TNFRSF8: variants seen among roughly 807,000 people sequenced by gnomAD.
The protein encoded by TNFRSF8 is tumor necrosis factor receptor superfamily member 8.
TNFRSF8 carries 26 observed loss-of-function variants against 70.8 expected under a neutral mutation model. The ratio of observed to expected loss-of-function variants is 0.37; its 90% CI spans 0.27 to 0.51. TNFRSF8 has a LOEUF of 0.51. TNFRSF8 is among the 20% of genes least tolerant of loss of function. TNFRSF8 has a pLI of 0.94. For missense variants in TNFRSF8, 720 were observed against 807.9 expected (o/e 0.89, Z 1.32); for synonymous variants, 356 against 339.2 (o/e 1.05, Z -0.54).
chr1:12,117,457 C>G (rs908715902), intron 8 of TNFRSF8, among the ~76,000 whole-genome samples: 1 of 152,184 alleles, frequency 6.6e-6, no homozygotes, highest in Non-Finnish European at 1.5e-5. Flanking sequence ...GGTGCTGTCA[C>G]TCTGTTTGTA....
intron 8 of TNFRSF8, among the ~76,000 whole-genome samples, chr1:12,122,868 G>A (rs764127765): frequency 1.7e-4 from 26 of 151,902 alleles, no homozygotes; most frequent in Non-Finnish European, 2.6e-4. Flanking sequence ...TTTCTCTGTC[G>A]CCCAGGCTGG....
At chr1:12,128,989 C>G (rs1422785016) in intron 12 of TNFRSF8, among the ~76,000 whole-genome samples, 1 of 152,078 alleles carries the variant, frequency 6.6e-6, no homozygotes, top group Non-Finnish European at 1.5e-5. Flanking sequence ...CTCCTGCCAC[C>G]ATGCCTGGCT....
chr1:12,091,910 T>A (rs1424878091), intron 2 of TNFRSF8, among the ~76,000 whole-genome samples: 1 of 152,114 alleles, frequency 6.6e-6, no homozygotes, highest in African/African-American at 2.4e-5. Flanking sequence ...CAGTTCACAA[T>A]AGGGTTTGCG....
Position 12,109,720 on chromosome 1 carries a change from C to T in TNFRSF8, c.512+64C>T. On this transcript the variant is annotated intron_variant, in intron 5 of 14. Coordinates refer to ENST00000263932, the MANE Select transcript of TNFRSF8 (RefSeq NM_001243.5). This position sits in a 1 kb window ranked among gnomAD's most constrained non-coding sequence, Gnocchi z 4.4. ...TGGCTTTCAGATGAGGCTGCCCCAC[C>T]CCACAGGACGCCCATGGTACAACTG... 1.4e-6 allele frequency: 2 copies of T among 1,390,460 alleles called. No homozygotes were observed. Among genetic ancestry groups the T allele is most frequent in the Non-Finnish European group, 1.0e-6 (1 of 983,846 alleles). The allele number at this position is 1,390,460 out of a possible 1,614,324, so 86.1% of individuals were successfully genotyped here.
At position 12,112,392 on chromosome 1, in the gene TNFRSF8, CT is replaced by C. The variant is rs767157710; in HGVS notation, c.793+391del. Among the ~76,000 whole-genome samples the C allele has an allele frequency of 2.0e-3, 282 of 144,446 alleles. No individual in the cohort carries two copies. The highest frequency in any genetic ancestry group is 3.6e-3 in the Middle Eastern group (1 of 276). The allele number at this position is 144,446 out of a possible 152,430, so 94.8% of individuals were successfully genotyped here. On this transcript the variant is annotated intron_variant, in intron 7 of 14. Transcript: ENST00000263932. The surrounding 1 kb of genome is among the most constrained non-coding windows in gnomAD (Gnocchi z 5.3). ...TCGCTGCCCCTATGAGCCACTTATT[CT>C]TTTTTTTTTTTTCCCAGACAGGGTC...
At chr1:12,090,020 T>C (rs924574354) in intron 2 of TNFRSF8, among the ~76,000 whole-genome samples, 1 of 143,930 alleles carries the variant, frequency 6.9e-6, no homozygotes, top group African/African-American at 2.6e-5. Flanking sequence ...TACCCACCCA[T>C]CCACCTTTCC....
At position 12,115,741 on chromosome 1, in the gene TNFRSF8, C is replaced by A. The variant is rs772723761; in HGVS notation, c.946+12C>A. 3 of 1,612,402 alleles carry A rather than the reference C, an allele frequency of 1.9e-6. No individual in the cohort carries two copies. In the Admixed American group the frequency reaches 5.0e-5, roughly 27 times the overall value. ...CACCAAGCCCCAGGGTAAGCAGTTC[C>A]CACCCCAGGCCTCGACCACAGGGTG... On this transcript the variant is annotated intron_variant, in intron 8 of 14. Transcript: ENST00000263932.
At chr1:12,077,682 A>T (rs1404007636) in intron 1 of TNFRSF8, among the ~76,000 whole-genome samples, 4 of 152,116 alleles carry the variant, frequency 2.6e-5, no homozygotes, top group Non-Finnish European at 5.9e-5. Flanking sequence ...TGAGGTCTCA[A>T]GGATGAATGG....
chr1:12,135,530 G>A (rs1642129712), intron 12 of TNFRSF8, 58 bp from the exon 13 acceptor site: 22 of 1,609,258 alleles, frequency 1.4e-5, no homozygotes, highest in South Asian at 7.8e-5. Context: ...TAGTTGGGGC[G>A]GGTGGGGCCG....
At chr1:12,130,497 T>C (rs1437275259) in intron 12 of TNFRSF8, among the ~76,000 whole-genome samples, 1 of 152,200 alleles carries the variant, frequency 6.6e-6, no homozygotes, top group African/African-American at 2.4e-5. Context: ...GGTTTGCATC[T>C]CGGGGTACCT....
intron 1 of TNFRSF8, among the ~76,000 whole-genome samples, chr1:12,065,124 C>A (rs914594445): frequency 4.9e-5 from 6 of 121,726 alleles, no homozygotes; most frequent in Non-Finnish European, 9.4e-5. Flanking sequence ...ACTCTTGTTG[C>A]CCATGCTGGA....
chr1:12,109,940 G>A lies in TNFRSF8; in HGVS notation c.513-101G>A. On this transcript the variant is annotated intron_variant, in intron 5 of 14. Coordinates refer to ENST00000263932, the MANE Select transcript of TNFRSF8 (RefSeq NM_001243.5). The surrounding 1 kb of genome is among the most constrained non-coding windows in gnomAD (Gnocchi z 4.4). Reference sequence around the variant, plus strand: ...GGGCCCGCCAGAGGCAGTGGGCCAAGGGCCTGGGACCCCATCTCTGTGGAA... The same window carrying A: ...GGGCCCGCCAGAGGCAGTGGGCCAAAGGCCTGGGACCCCATCTCTGTGGAA... 1 of 1,430,892 alleles carries A rather than the reference G, an allele frequency of 7.0e-7. No individual in the cohort carries two copies. The allele number at this position is 1,430,892 out of a possible 1,614,324, so 88.6% of individuals were successfully genotyped here.
chr1:12,138,507 C>A lies in TNFRSF8; in HGVS notation c.1543+71C>A. 1 of 1,428,968 alleles carries A rather than the reference C, an allele frequency of 7.0e-7. No homozygotes were observed. Among genetic ancestry groups the A allele is most frequent in the Non-Finnish European group, 9.4e-7 (1 of 1,062,862 alleles). The allele number at this position is 1,428,968 out of a possible 1,614,324, so 88.5% of individuals were successfully genotyped here. ...TGGGAGATGAATACGGGGCCCTGGG[C>A]CCTGGAAGGGACCTGGAGACCCTGG... On this transcript the variant is annotated intron_variant, in intron 14 of 14. Coordinates refer to ENST00000263932, the MANE Select transcript of TNFRSF8 (RefSeq NM_001243.5). This position sits in a 1 kb window ranked among gnomAD's most constrained non-coding sequence, Gnocchi z 5.7.
chr1:12,084,318 T>C (rs2100967872), intron 1 of TNFRSF8, 146 bp from the exon 2 acceptor site: 2 of 720,066 alleles, frequency 2.8e-6, no homozygotes, highest in South Asian at 1.7e-5. Context: ...GTAAGGGCGG[T>C]GTGGGTTTGT....
chr1:12,138,525 G>GA lies in TNFRSF8; in HGVS notation c.1543+90dup. ...CCCTGGGCCCTGGAAGGGACCTGGA[G>GA]ACCCTGGAGTTGAAAGGCCCAGGAA... On this transcript the variant is annotated intron_variant, in intron 14 of 14. Coordinates refer to ENST00000263932, the MANE Select transcript of TNFRSF8 (RefSeq NM_001243.5). This position sits in a 1 kb window ranked among gnomAD's most constrained non-coding sequence, Gnocchi z 5.7. 2.0e-5 allele frequency: 27 copies of GA among 1,319,544 alleles called. No homozygotes were observed. The highest frequency in any genetic ancestry group is 2.8e-5 in the Non-Finnish European group (27 of 974,632). 81.7% of individuals were successfully genotyped at this position (1,319,544 alleles called of 1,614,324 possible).
In TNFRSF8 at chr1:12,074,040, GGA is replaced by G. The variant is rs879383981; in HGVS notation, c.63+10380_63+10381del. On this transcript the variant is annotated intron_variant, in intron 1 of 14. Coordinates refer to ENST00000263932, the MANE Select transcript of TNFRSF8 (RefSeq NM_001243.5). ...ACTTGCTTCGGCCCTGGAATCTTCA[GGA>G]TCCCTGCAGTCTCAACAATTGGCTC... Among the ~76,000 whole-genome samples, 375 of 152,198 alleles carry G rather than the reference GGA, an allele frequency of 2.5e-3. 1 individual carries two copies. Among genetic ancestry groups the G allele is most frequent in the Non-Finnish European group, 2.5e-3 (169 of 68,016 alleles).
chr1:12,130,554 C>T (rs1642029129), intron 12 of TNFRSF8, among the ~76,000 whole-genome samples: 2 of 152,222 alleles, frequency 1.3e-5, no homozygotes, highest in Admixed American at 6.5e-5. Context: ...CCCCCTTGGG[C>T]CTGTTCTGCT....
intron 12 of TNFRSF8, among the ~76,000 whole-genome samples, chr1:12,131,454 C>CAAA (rs955752425): frequency 1.3e-5 from 2 of 152,056 alleles, no homozygotes; most frequent in African/African-American, 4.8e-5. Context: ...CGTCTCAAAA[C>CAAA]AAACAAACAA....
At position 12,142,330 on chromosome 1, in the gene TNFRSF8, C is replaced by T. The variant is rs567192538; in HGVS notation, c.1587C>T (p.Thr529=). The change falls in exon 15 of 15, where the codon ACC becomes ACT. Residue 529 remains threonine, a synonymous_variant. Coordinates refer to ENST00000263932, the MANE Select transcript of TNFRSF8 (RefSeq NM_001243.5). This position sits in a 1 kb window ranked among gnomAD's most constrained non-coding sequence, Gnocchi z 5.0. ...AGGCTGACACCGTGATCGTGGGGAC[C>T]GTGAAGGCTGAGCTGCCGGAGGGCC... ...IMKADTVIVG[T]VKAELPEGRG... 35 of 1,605,868 alleles carry T rather than the reference C, an allele frequency of 2.2e-5. No homozygotes were observed. Among genetic ancestry groups the T allele is most frequent in the Middle Eastern group, 3.3e-4 (2 of 6,052 alleles).
Sources: gnomAD v4.1 joint callset for allele counts (sites outside exome capture counted in the v4.1 genomes callset) on GRCh38, gnomAD v4.1.1 for gene constraint, Gnocchi (gnomAD v3.1) non-coding constraint, MANE v1.5 for transcripts, NCBI Gene and HGNC (gene_info 2026-07-23, HGNC 2026-07-21) for gene names.